CACNA2D1: variants seen among roughly 807,000 people sequenced by gnomAD.
CACNA2D1 encodes the protein voltage-dependent calcium channel subunit alpha-2/delta-1.
CACNA2D1 carries 53 observed loss-of-function variants against 171.5 expected under a neutral mutation model. The observed-to-expected ratio is 0.31, with a 90% CI of 0.25 to 0.39. The LOEUF is 0.39. Ranked by LOEUF, CACNA2D1 falls within the 10% of genes least tolerant of loss-of-function variation. CACNA2D1 has a pLI of 1.00. For synonymous variants in CACNA2D1, 442 were observed against 443.1 expected (o/e 1.00, Z 0.03); for missense variants, 903 against 1,299.8 (o/e 0.69, Z 4.69).
intron 7 of CACNA2D1, among the ~76,000 whole-genome samples, chr7:82,068,071 T>G (rs539146341): frequency 3.3e-5 from 5 of 152,158 alleles, no homozygotes; most frequent in Non-Finnish European, 7.4e-5. Flanking sequence ...TGTTCTGGTT[T>G]GTTTGCTCAC....
chr7:82,246,407 C>T (rs1804930750), intron 3 of CACNA2D1, among the ~76,000 whole-genome samples: 5 of 152,034 alleles, frequency 3.3e-5, no homozygotes, highest in Admixed American at 6.6e-5. Flanking sequence ...ATTTCATTAA[C>T]CAATCTACTA....
chr7:82,217,848 C>T (rs974569027), intron 3 of CACNA2D1, among the ~76,000 whole-genome samples: 1 of 151,268 alleles, frequency 6.6e-6, no homozygotes, highest in Non-Finnish European at 1.5e-5. Context: ...GACCTACCTA[C>T]ATGTACTGAA....
chr7:82,119,523 T>C (rs1047821559), intron 5 of CACNA2D1, among the ~76,000 whole-genome samples: 1 of 152,178 alleles, frequency 6.6e-6, no homozygotes, highest in Non-Finnish European at 1.5e-5. Flanking sequence ...CTTGCAAATT[T>C]AACATATTTG....
intron 24 of CACNA2D1, 39 bp from the exon 25 acceptor site, chr7:81,974,591 C>CAGGTCATTGCAGTAATCTCTGA: frequency 9.6e-7 from 1 of 1,041,152 alleles, no homozygotes; most frequent in Non-Finnish European, 1.5e-6. Context: ...ATATTAAAAT[C>CAGGTCATTGCAGTAATCTCTGA]AAAACTTTAC....
At chr7:82,161,663 A>G (rs1794961545) in intron 4 of CACNA2D1, among the ~76,000 whole-genome samples, 1 of 152,102 alleles carries the variant, frequency 6.6e-6, no homozygotes, top group Non-Finnish European at 1.5e-5. Context: ...ACAGAAGATC[A>G]GGATGCTGAT....
rs555924783 is a variant in CACNA2D1, at chr7:82,306,402, A to G, written c.294+28733T>C. ...AGAAGAAGGGGATTTTGCTGTCTCA[A>G]GAAGAAATTGTGTCTTAAGAAGAAG... On this transcript the variant is annotated intron_variant, in intron 3 of 38. Transcript: ENST00000356860. Among the ~76,000 whole-genome samples the G allele has an allele frequency of 4.6e-5, 7 of 152,332 alleles. No individual in the cohort carries two copies. In the South Asian group the frequency reaches 1.4e-3, roughly 32 times the overall value.
chr7:82,425,175 C>T (rs1164401094), intron 1 of CACNA2D1, among the ~76,000 whole-genome samples: 1 of 152,284 alleles, frequency 6.6e-6, no homozygotes, highest in African/African-American at 2.4e-5. Flanking sequence ...ACTTAATCAG[C>T]TGAATGCCCT....
chr7:82,414,031 A>G (rs1827936218), intron 1 of CACNA2D1, among the ~76,000 whole-genome samples: 1 of 152,200 alleles, frequency 6.6e-6, no homozygotes, highest in Non-Finnish European at 1.5e-5. Context: ...CTATTTATGT[A>G]GCAAAATCAT....
At position 82,443,725 on chromosome 7, in the gene CACNA2D1, G is replaced by A. The variant is rs1339559275; in HGVS notation, c.-266C>T. 1.6e-6 allele frequency: 2 copies of A among 1,233,444 alleles called. No homozygotes were observed. Among genetic ancestry groups the A allele is most frequent in the Non-Finnish European group, 1.0e-6 (1 of 989,578 alleles). 76.4% of individuals were successfully genotyped at this position (1,233,444 alleles called of 1,614,324 possible). A position where few individuals can be genotyped will look rare whatever the true frequency, so the allele number is the denominator to read the frequency against. ...CGCCTTGCCTCCGCCGCCATCAAGG[G>A]CGACTTTGGAAACAGACCTCGGCGA... On this transcript the variant is annotated 5_prime_UTR_variant, in exon 1 of 39. Coordinates refer to ENST00000356860, the MANE Select transcript of CACNA2D1 (RefSeq NM_000722.4).
chr7:82,136,074 T>C (rs60231878), intron 5 of CACNA2D1, among the ~76,000 whole-genome samples: 12,835 of 152,224 alleles, frequency 0.084, 662 homozygotes, highest in South Asian at 0.15. Flanking sequence ...AGTAACTGAT[T>C]AGCACTAAAA....
intron 3 of CACNA2D1, among the ~76,000 whole-genome samples, chr7:82,177,495 T>C (rs555146908): frequency 1.3e-5 from 2 of 152,188 alleles, no homozygotes; most frequent in African/African-American, 4.8e-5. Flanking sequence ...AACAAACAAA[T>C]TACAATCAAT....
intron 12 of CACNA2D1, among the ~76,000 whole-genome samples, chr7:82,027,377 T>C (rs1211288532): frequency 6.6e-6 from 1 of 151,702 alleles, no homozygotes; most frequent in Non-Finnish European, 1.5e-5. Flanking sequence ...ACAGTGCATA[T>C]GAAATGTGGG....
At chr7:81,996,712 C>T (rs1798084356) in intron 19 of CACNA2D1, among the ~76,000 whole-genome samples, 1 of 151,302 alleles carries the variant, frequency 6.6e-6, no homozygotes, top group Non-Finnish European at 1.5e-5. Context: ...GGAAGACTCT[C>T]TCAGAGGAGG....
At chr7:82,294,802 A>G (rs147526015) in intron 3 of CACNA2D1, among the ~76,000 whole-genome samples, 104 of 152,336 alleles carry the variant, frequency 6.8e-4, no homozygotes, top group African/African-American at 2.3e-3. Flanking sequence ...TTACACTAAT[A>G]AATTTGAGTT....
chr7:82,390,804 G>A (rs1185940951), intron 1 of CACNA2D1, among the ~76,000 whole-genome samples: 2 of 151,962 alleles, frequency 1.3e-5, no homozygotes, highest in African/African-American at 2.4e-5. Context: ...TTACTGAAGA[G>A]ACTAACAGGG....
At chr7:82,421,505 G>T (rs1277016544) in intron 1 of CACNA2D1, among the ~76,000 whole-genome samples, 1 of 152,108 alleles carries the variant, frequency 6.6e-6, no homozygotes, top group Non-Finnish European at 1.5e-5. Flanking sequence ...AGGGGAGAGG[G>T]CTCAAATCAT....
intron 38 of CACNA2D1, among the ~76,000 whole-genome samples, chr7:81,955,501 A>G (rs1444614618): frequency 6.6e-6 from 1 of 152,132 alleles, no homozygotes; most frequent in African/African-American, 2.4e-5. Context: ...TTCTATACAG[A>G]TAACTGTGTT....
At position 82,267,279 on chromosome 7, in the gene CACNA2D1, G is replaced by C. The variant is rs117732236; in HGVS notation, c.294+67856C>G. On this transcript the variant is annotated intron_variant, in intron 3 of 38. Transcript: ENST00000356860. ...TATATGTGCATTTGTGTGAGTGTGCGTGTATAAAATCCCTTTACTTACATT... is the reference window on the plus strand; with the variant it reads ...TATATGTGCATTTGTGTGAGTGTGCCTGTATAAAATCCCTTTACTTACATT... 5.5e-3 allele frequency among the ~76,000 whole-genome samples: 835 copies of C among 152,238 alleles called. 22 individuals carry two copies. The East Asian group carries it at 0.091, about 17-fold the overall frequency.
intron 4 of CACNA2D1, among the ~76,000 whole-genome samples, chr7:82,140,752 G>A (rs1018929215): frequency 6.6e-6 from 1 of 151,734 alleles, no homozygotes; most frequent in African/African-American, 2.4e-5. Context: ...TCTGGAGATC[G>A]AGACCATCCT....
Sources: gnomAD v4.1 joint callset for allele counts (sites outside exome capture counted in the v4.1 genomes callset) on GRCh38, gnomAD v4.1.1 for gene constraint, MANE v1.5 for transcripts, NCBI Gene and HGNC (gene_info 2026-07-23, HGNC 2026-07-21) for gene names.